ROBO1: variants seen among roughly 807,000 people sequenced by gnomAD.
ROBO1 encodes roundabout homolog 1.
A neutral mutation model predicts 195.9 loss-of-function variants in ROBO1; 149 were observed. The ratio of observed to expected loss-of-function variants is 0.76; its 90% CI spans 0.67 to 0.87. ROBO1 has a LOEUF of 0.87. Ranked by LOEUF, ROBO1 falls within the 40% of genes least tolerant of loss-of-function variation. ROBO1 has a pLI of 0.00. For missense variants in ROBO1, 1,933 were observed against 2,068.3 expected, an observed-to-expected ratio of 0.93 and a Z score of 1.27; for synonymous variants, 816 against 733.2, an observed-to-expected ratio of 1.11 and a Z score of -1.82.
At chr3:79,392,343 T>C (rs2036984720) in intron 2 of ROBO1, among the ~76,000 whole-genome samples, 1 of 152,198 alleles carries the variant, frequency 6.6e-6, no homozygotes, top group Non-Finnish European at 1.5e-5. Context: ...AAGCTACTTT[T>C]AGTAAGAAAT....
intron 2 of ROBO1, among the ~76,000 whole-genome samples, chr3:79,539,976 T>C (rs928445320): frequency 2.6e-5 from 4 of 152,042 alleles, no homozygotes; most frequent in African/African-American, 9.7e-5. Context: ...TTGAAAATTA[T>C]AATAATTCAC....
intron 2 of ROBO1, among the ~76,000 whole-genome samples, chr3:79,271,092 A>G (rs2030510444): frequency 6.6e-6 from 1 of 151,972 alleles, no homozygotes; most frequent in Non-Finnish European, 1.5e-5. Context: ...CAATTTTATT[A>G]TTTAATGGAG....
intron 3 of ROBO1, among the ~76,000 whole-genome samples, chr3:79,083,017 C>T (rs1428215640): frequency 6.6e-6 from 1 of 152,110 alleles, no homozygotes; most frequent in East Asian, 1.9e-4. Context: ...CTAGTTTACT[C>T]TGAGTGACTA....
intron 10 of ROBO1, among the ~76,000 whole-genome samples, chr3:78,677,223 C>T (rs2107764345): frequency 6.6e-6 from 1 of 152,246 alleles, no homozygotes; most frequent in African/African-American, 2.4e-5. Flanking sequence ...AAAAACATGC[C>T]AAATTGTAAA....
At chr3:79,654,803 G>A (rs1360432719) in intron 1 of ROBO1, among the ~76,000 whole-genome samples, 1 of 151,560 alleles carries the variant, frequency 6.6e-6, no homozygotes, top group Non-Finnish European at 1.5e-5. Flanking sequence ...TAAATCCTTT[G>A]CTTTCTTGGA....
chr3:79,047,369 T>G (rs1290582084), intron 3 of ROBO1, among the ~76,000 whole-genome samples: 1 of 151,840 alleles, frequency 6.6e-6, no homozygotes, highest in Non-Finnish European at 1.5e-5. Flanking sequence ...AAGGAAGGAC[T>G]GTTAAAAAAA....
At chr3:78,772,393 C>T (rs1210466717) in intron 4 of ROBO1, among the ~76,000 whole-genome samples, 2 of 151,970 alleles carry the variant, frequency 1.3e-5, no homozygotes, top group Admixed American at 6.6e-5. Context: ...CTTTGGAAAA[C>T]GTCATCATAA....
chr3:79,050,419 A>G (rs1020306663), intron 3 of ROBO1, among the ~76,000 whole-genome samples: 8 of 152,160 alleles, frequency 5.3e-5, no homozygotes, highest in Non-Finnish European at 1.0e-4. Flanking sequence ...AGACCTACAA[A>G]GAGACTTAGA....
At chr3:79,525,866 T>C (rs999934660) in intron 2 of ROBO1, among the ~76,000 whole-genome samples, 5 of 152,090 alleles carry the variant, frequency 3.3e-5, no homozygotes, top group African/African-American at 4.8e-5. Context: ...TGCCTCAGCC[T>C]CCCAAAGTGC....
chr3:79,319,534 T>A (rs1356645622), intron 2 of ROBO1, among the ~76,000 whole-genome samples: 1 of 152,154 alleles, frequency 6.6e-6, no homozygotes, highest in Non-Finnish European at 1.5e-5. Flanking sequence ...GAGAAATAGA[T>A]ATAATTAATG....
At chr3:79,544,716 A>G (rs1942198886) in intron 2 of ROBO1, among the ~76,000 whole-genome samples, 1 of 150,108 alleles carries the variant, frequency 6.7e-6, no homozygotes, top group Non-Finnish European at 1.5e-5. Flanking sequence ...CTGAAATTTA[A>G]ACATTAAAAA....
intron 1 of ROBO1, among the ~76,000 whole-genome samples, chr3:79,634,389 A>G (rs1201306544): frequency 6.6e-6 from 1 of 152,204 alleles, no homozygotes; most frequent in Non-Finnish European, 1.5e-5. Context: ...TCAGAAAACA[A>G]TGATAAAAGA....
intron 1 of ROBO1, among the ~76,000 whole-genome samples, chr3:79,681,719 C>A (rs1252309300): frequency 6.6e-6 from 1 of 151,852 alleles, no homozygotes; most frequent in East Asian, 1.9e-4. Context: ...TTTGGTAGGC[C>A]TACTCTGGGG....
intron 2 of ROBO1, among the ~76,000 whole-genome samples, chr3:79,127,923 T>C (rs992144614): frequency 6.6e-6 from 1 of 152,158 alleles, no homozygotes; most frequent in African/African-American, 2.4e-5. Flanking sequence ...ATCTACCTTG[T>C]TCTGCCTTTA....
chr3:79,723,746 T>A (rs1330224046), intron 1 of ROBO1, among the ~76,000 whole-genome samples: 1 of 152,136 alleles, frequency 6.6e-6, no homozygotes, highest in African/African-American at 2.4e-5. Context: ...AGAAAATAGT[T>A]CTCAGTAATA....
intron 2 of ROBO1, among the ~76,000 whole-genome samples, chr3:79,455,888 G>C (rs1397036607): frequency 1.3e-5 from 2 of 152,116 alleles, no homozygotes; most frequent in African/African-American, 4.8e-5. Context: ...AAAATATCTA[G>C]AGACTGCATA....
chr3:79,094,651 T>C (rs1424128505), intron 3 of ROBO1, among the ~76,000 whole-genome samples: 1 of 152,164 alleles, frequency 6.6e-6, no homozygotes, highest in Non-Finnish European at 1.5e-5. Context: ...TAGTTTTAAA[T>C]ACTAATGTTC....
chr3:78,786,090 T>G (rs186153707), intron 4 of ROBO1, among the ~76,000 whole-genome samples: 190 of 152,244 alleles, frequency 1.2e-3, no homozygotes, highest in African/African-American at 4.5e-3. Context: ...GAGAAATACA[T>G]AAGATCAGAA....
intron 3 of ROBO1, among the ~76,000 whole-genome samples, chr3:79,082,137 G>C (rs2079285697): frequency 6.6e-6 from 1 of 151,978 alleles, no homozygotes; most frequent in Non-Finnish European, 1.5e-5. Context: ...TAACCATTTG[G>C]AAAATGATGT....
Sources: gnomAD v4.1 joint callset for allele counts (sites outside exome capture counted in the v4.1 genomes callset) on GRCh38, gnomAD v4.1.1 for gene constraint, MANE v1.5 for transcripts, NCBI Gene and HGNC (gene_info 2026-07-23, HGNC 2026-07-21) for gene names.